The following CNTN6 variants were observed in gnomAD, a reference collection of about 807,000 sequenced individuals.
The protein encoded by CNTN6 is contactin-6.
A neutral mutation model predicts 122.8 loss-of-function variants in CNTN6; 137 were observed. The ratio of observed to expected loss-of-function variants is 1.12; its 90% CI spans 0.97 to 1.29. CNTN6 has a LOEUF of 1.29. Among genes scored for constraint, CNTN6 ranks in the 50% most tolerant of loss-of-function variants. CNTN6 has a pLI of 0.00. For missense variants in CNTN6, 1,634 were observed against 1,223.4 expected (o/e 1.34, Z -5.01); for synonymous variants, 570 against 426.0 (o/e 1.34, Z -4.16).
chr3:1,192,700 A>C (rs778465649), intron 2 of CNTN6, among the ~76,000 whole-genome samples: 2 of 149,602 alleles, frequency 1.3e-5, no homozygotes, highest in Non-Finnish European at 3.0e-5. Context: ...AATGACAACC[A>C]CACACACACA....
chr3:1,335,345 A>C (rs1702900185), intron 11 of CNTN6, among the ~76,000 whole-genome samples: 1 of 152,176 alleles, frequency 6.6e-6, no homozygotes, highest in South Asian at 2.1e-4. Flanking sequence ...CAACCACGGA[A>C]AATCAGGATG....
chr3:1,305,298 G>T (rs1464313812), intron 7 of CNTN6, among the ~76,000 whole-genome samples: 1 of 152,144 alleles, frequency 6.6e-6, no homozygotes, highest in Non-Finnish European at 1.5e-5. Context: ...ATAAGCTAGT[G>T]TGAGTATAGA....
intron 4 of CNTN6, among the ~76,000 whole-genome samples, chr3:1,268,814 A>G (rs182691154): frequency 1.3e-5 from 2 of 150,456 alleles, no homozygotes; most frequent in East Asian, 3.9e-4. Flanking sequence ...AGCTGAAAAA[A>G]AAGCCAGTTT....
intron 11 of CNTN6, among the ~76,000 whole-genome samples, chr3:1,339,521 G>A (rs1247540034): frequency 6.6e-6 from 1 of 152,166 alleles, no homozygotes; most frequent in African/African-American, 2.4e-5. Context: ...AACATGTGAA[G>A]AGAGTGAGGG....
chr3:1,244,563 G>A (rs895374115), intron 4 of CNTN6, among the ~76,000 whole-genome samples: 2 of 152,178 alleles, frequency 1.3e-5, no homozygotes, highest in African/African-American at 4.8e-5. Flanking sequence ...ACAAAGAGCA[G>A]GAGGACGGGG....
intron 12 of CNTN6, among the ~76,000 whole-genome samples, chr3:1,370,782 A>G (rs1559943667): frequency 6.6e-6 from 1 of 152,124 alleles, no homozygotes; most frequent in Non-Finnish European, 1.5e-5. Flanking sequence ...TGGGAGGCGG[A>G]GGTTGCAATG....
At chr3:1,327,812 C>T (rs1038532357) in intron 10 of CNTN6, among the ~76,000 whole-genome samples, 3 of 151,714 alleles carry the variant, frequency 2.0e-5, no homozygotes, top group Middle Eastern at 3.2e-3. Context: ...GCATCCAAAC[C>T]GGAGGAAGCT....
At chr3:1,390,055 T>G (rs201001480) in intron 20 of CNTN6, among the ~76,000 whole-genome samples, 38,891 of 151,680 alleles carry the variant, frequency 0.26, 5,862 homozygotes, top group Non-Finnish European at 0.34. Context: ...CTGCACCAAG[T>G]GGACCTAATA....
chr3:1,236,883 AT>A (rs1324647674), intron 4 of CNTN6, among the ~76,000 whole-genome samples: 1 of 152,100 alleles, frequency 6.6e-6, no homozygotes, highest in Non-Finnish European at 1.5e-5. Context: ...GATCAAGACC[AT>A]CCTGGCTAAC....
At chr3:1,112,967 A>G (rs1217135176) in intron 1 of CNTN6, among the ~76,000 whole-genome samples, 1 of 152,210 alleles carries the variant, frequency 6.6e-6, no homozygotes, top group African/African-American at 2.4e-5. Context: ...AATAATGAGT[A>G]TGGTAATAAT....
At chr3:1,326,692 T>C (rs1024728334) in intron 9 of CNTN6, among the ~76,000 whole-genome samples, 3 of 151,924 alleles carry the variant, frequency 2.0e-5, no homozygotes, top group Non-Finnish European at 2.9e-5. Flanking sequence ...CATGTAGGCA[T>C]AGCCAGAGAC....
At chr3:1,102,793 A>G (rs1243236482) in intron 1 of CNTN6, among the ~76,000 whole-genome samples, 1 of 149,286 alleles carries the variant, frequency 6.7e-6, no homozygotes, top group Non-Finnish European at 1.5e-5. Context: ...GCTATATAAT[A>G]CACAGAAAAC....
chr3:1,250,447 C>T lies in CNTN6; in HGVS notation c.358+22454C>T, dbSNP rs754577567. Among the ~76,000 whole-genome samples, 80 of 152,138 alleles carry T rather than the reference C, an allele frequency of 5.3e-4. 1 individual carries two copies. The highest frequency in any genetic ancestry group is 3.3e-4 in the Admixed American group (5 of 15,278). On this transcript the variant is annotated intron_variant, in intron 4 of 22. Transcript: ENST00000446702. ...TGTCCTCCCCTGAGCTCCACGTTTT[C>T]ACAGCTGGAGTGAAGAAGGTGTCTT...
In CNTN6 at chr3:1,329,816, T is replaced by TA. The variant is rs758676375; in HGVS notation, c.1253dup (p.Ser419ValfsTer33). The TA allele has an allele frequency of 1.1e-4, 172 of 1,605,186 alleles. No homozygotes were observed. Among genetic ancestry groups the TA allele is most frequent in the Non-Finnish European group, 1.3e-4 (157 of 1,176,526 alleles). ...CTCCAGATTTCTCCAAAAGTCCAGT[T>TA]AAAAAAAAGTCTTTTGTTCAAGTTG... On this transcript the variant is annotated frameshift_variant, in exon 11 of 23. Transcript: ENST00000446702. LOFTEE classifies it high-confidence loss of function.
At chr3:1,189,888 G>A (rs896890620) in intron 2 of CNTN6, among the ~76,000 whole-genome samples, 7 of 152,170 alleles carry the variant, frequency 4.6e-5, no homozygotes, top group Admixed American at 3.9e-4. Flanking sequence ...GAGTGGCAAA[G>A]CATTCTATTG....
intron 2 of CNTN6, among the ~76,000 whole-genome samples, chr3:1,164,509 T>G (rs1163705639): frequency 6.6e-6 from 1 of 152,128 alleles, no homozygotes; most frequent in Non-Finnish European, 1.5e-5. Context: ...TCTGTACAGT[T>G]CAAATTTGTC....
chr3:1,202,900 GGCT>G (rs1240243326), intron 2 of CNTN6, among the ~76,000 whole-genome samples: 20 of 152,162 alleles, frequency 1.3e-4, no homozygotes, highest in African/African-American at 4.6e-4. Flanking sequence ...ATGAAGCACG[GGCT>G]GCTATTTCAT....
intron 2 of CNTN6, among the ~76,000 whole-genome samples, chr3:1,158,840 A>AGTGTG (rs1553610603): frequency 1.2e-5 from 1 of 82,644 alleles, no homozygotes; most frequent in Non-Finnish European, 2.3e-5. Flanking sequence ...ATACACACAC[A>AGTGTG]TATATATACA....
intron 1 of CNTN6, among the ~76,000 whole-genome samples, chr3:1,101,341 G>T (rs1486701820): frequency 1.3e-5 from 2 of 152,102 alleles, no homozygotes; most frequent in Non-Finnish European, 2.9e-5. Context: ...GTGCCTCTGA[G>T]GGCTTACCTC....
Sources: gnomAD v4.1 joint callset for allele counts (sites outside exome capture counted in the v4.1 genomes callset) on GRCh38, gnomAD v4.1.1 for gene constraint, MANE v1.5 for transcripts, NCBI Gene and HGNC (gene_info 2026-07-23, HGNC 2026-07-21) for gene names.